Variants in CSMD1 observed in about 807,000 individuals in gnomAD.
CSMD1 encodes CUB and sushi domain-containing protein 1.
CSMD1 carries 213 observed loss-of-function variants against 417.5 expected under a neutral mutation model. That is an observed-to-expected ratio of 0.51 (90% confidence interval 0.46 to 0.57). The LOEUF is 0.57. Among genes scored for constraint, CSMD1 ranks in the 20% least tolerant of loss-of-function variants. The pLI is 0.00. For synonymous variants in CSMD1, 2,862 were observed against 1,736.8 expected, an observed-to-expected ratio of 1.65 and a Z score of -16.11; for missense variants, 6,923 against 4,529.7, an observed-to-expected ratio of 1.53 and a Z score of -15.17.
chr8:3,752,675 G>GGA (rs1457740504), intron 6 of CSMD1, among the ~76,000 whole-genome samples: 11 of 31,806 alleles, frequency 3.5e-4, no homozygotes, highest in Non-Finnish European at 5.2e-4. Flanking sequence ...TCCCCGCCTG[G>GGA]CAAAAAAAAA....
chr8:4,267,416 T>C (rs1463917727), intron 3 of CSMD1, among the ~76,000 whole-genome samples: 2 of 44,870 alleles, frequency 4.5e-5, no homozygotes, highest in African/African-American at 7.5e-5. Flanking sequence ...GTGAAGAAAA[T>C]GATAAGCTTC....
chr8:3,378,206 T>A (rs1252095730), intron 18 of CSMD1, among the ~76,000 whole-genome samples: 1 of 152,152 alleles, frequency 6.6e-6, no homozygotes, highest in Admixed American at 6.5e-5. Context: ...CAGGAAGAAG[T>A]CGAATCCCTG....
rs561341920 is a variant in CSMD1 at position 3,711,793 on chromosome 8, A to G, written c.932-3302T>C. Among the ~76,000 whole-genome samples, 8 of 152,286 alleles carry G rather than the reference A, an allele frequency of 5.3e-5. No homozygotes were observed. The East Asian group carries it at 1.5e-3, about 29-fold the overall frequency. ...AAATAACTTTATCTTGAAGTTACTC[A>G]GGAGAGAGGAGATGAATGCACAATA... On this transcript the variant is annotated intron_variant, in intron 6 of 69. Transcript: ENST00000635120.
At chr8:3,990,424 A>T (rs1284008693) in intron 5 of CSMD1, among the ~76,000 whole-genome samples, 1 of 152,112 alleles carries the variant, frequency 6.6e-6, no homozygotes, top group Non-Finnish European at 1.5e-5. Flanking sequence ...TCCCGGGATA[A>T]CTATTTTTCC....
At chr8:3,903,374 T>C (rs1351486012) in intron 5 of CSMD1, among the ~76,000 whole-genome samples, 1 of 152,116 alleles carries the variant, frequency 6.6e-6, no homozygotes, top group Non-Finnish European at 1.5e-5. Flanking sequence ...ACAAAACAAT[T>C]GCACTATGTC....
intron 1 of CSMD1, among the ~76,000 whole-genome samples, chr8:4,661,661 C>A (rs1361513574): frequency 6.6e-6 from 1 of 152,116 alleles, no homozygotes; most frequent in South Asian, 2.1e-4. Context: ...TACAAGATAT[C>A]TCTCCGTATT....
intron 3 of CSMD1, among the ~76,000 whole-genome samples, chr8:4,267,610 A>G (rs1408884650): frequency 5.3e-5 from 8 of 151,990 alleles, no homozygotes; most frequent in African/African-American, 1.9e-4. Context: ...AAAAAAATGG[A>G]CATTTATATT....
intron 7 of CSMD1, among the ~76,000 whole-genome samples, chr8:3,681,883 A>G (rs946365346): frequency 6.6e-6 from 1 of 152,106 alleles, no homozygotes; most frequent in South Asian, 2.1e-4. Context: ...CAGAAATAAT[A>G]CCACACATCT....
intron 42 of CSMD1, among the ~76,000 whole-genome samples, chr8:3,111,811 G>A (rs1266519690): frequency 6.6e-6 from 1 of 152,050 alleles, no homozygotes; most frequent in Non-Finnish European, 1.5e-5. Context: ...CAGCATGGGT[G>A]ACAGAGTCTC....
intron 4 of CSMD1, among the ~76,000 whole-genome samples, chr8:4,011,881 C>G (rs1287585665): frequency 6.6e-6 from 1 of 151,948 alleles, no homozygotes; most frequent in Non-Finnish European, 1.5e-5. Flanking sequence ...TGCTCAAGTC[C>G]CTTATATAAA....
intron 17 of CSMD1, among the ~76,000 whole-genome samples, chr8:3,390,894 C>T (rs1483046336): frequency 6.6e-6 from 1 of 152,112 alleles, no homozygotes. Context: ...CTTCTCACAG[C>T]CTCCGAGAGG....
chr8:4,354,274 C>A (rs552636123), intron 3 of CSMD1, among the ~76,000 whole-genome samples: 1 of 149,042 alleles, frequency 6.7e-6, no homozygotes, highest in East Asian at 2.0e-4. Flanking sequence ...TATTTTATGA[C>A]AAAGTAACCA....
chr8:3,504,472 A>G (rs1001361170), intron 10 of CSMD1, among the ~76,000 whole-genome samples: 2 of 152,202 alleles, frequency 1.3e-5, no homozygotes, highest in South Asian at 2.1e-4. Context: ...CAGACACTTG[A>G]TCAATGGCAG....
chr8:4,834,348 G>C (rs755938397), intron 1 of CSMD1, among the ~76,000 whole-genome samples: 3 of 152,208 alleles, frequency 2.0e-5, no homozygotes, highest in Non-Finnish European at 4.4e-5. Context: ...TGGCAAGAAC[G>C]CATCATCTGT....
chr8:3,340,587 C>T (rs546027229), intron 23 of CSMD1, among the ~76,000 whole-genome samples: 101 of 152,154 alleles, frequency 6.6e-4, no homozygotes, highest in African/African-American at 2.2e-3. Context: ...AAATAACTTG[C>T]GTAAAATATT....
At chr8:3,782,098 G>T (rs747961235) in intron 5 of CSMD1, among the ~76,000 whole-genome samples, 1 of 152,098 alleles carries the variant, frequency 6.6e-6, no homozygotes, top group African/African-American at 2.4e-5. Flanking sequence ...AATAAAATTT[G>T]AGAGCCATGA....
chr8:4,279,343 T>C (rs561738428), intron 3 of CSMD1, among the ~76,000 whole-genome samples: 8 of 152,310 alleles, frequency 5.3e-5, no homozygotes, highest in African/African-American at 1.2e-4. Context: ...ACTAGACAGA[T>C]ACAGGTGGCA....
intron 1 of CSMD1, among the ~76,000 whole-genome samples, chr8:4,683,938 G>C (rs980167241): frequency 6.6e-6 from 1 of 152,198 alleles, no homozygotes; most frequent in Non-Finnish European, 1.5e-5. Flanking sequence ...TACAAGAAGA[G>C]TTTTTAATCA....
At chr8:3,336,638 A>C (rs540105304) in intron 23 of CSMD1, among the ~76,000 whole-genome samples, 1 of 152,198 alleles carries the variant, frequency 6.6e-6, no homozygotes. Flanking sequence ...CACTGAGAGC[A>C]TGTACTTCAT....
Sources: allele counts gnomAD v4.1 joint callset (sites outside exome capture counted in the v4.1 genomes callset), GRCh38; gene constraint gnomAD v4.1.1; transcripts MANE v1.5; gene names NCBI Gene and HGNC (gene_info 2026-07-23, HGNC 2026-07-21).